C12orf42: variants seen among roughly 807,000 people sequenced by gnomAD.
C12orf42 encodes the protein uncharacterized protein C12orf42.
Under a neutral mutation model 21.6 loss-of-function variants are expected in C12orf42, and 25 were observed. That is an observed-to-expected ratio of 1.16 (90% CI 0.84 to 1.62). The LOEUF is 1.62. Among genes scored for constraint, C12orf42 ranks in the 40% most tolerant of loss-of-function variants. The pLI is 0.00. For synonymous variants in C12orf42, 174 were observed against 175.0 expected (o/e 0.99, Z 0.05); for missense variants, 483 against 459.3 (o/e 1.05, Z -0.47).
At position 103,249,942 on chromosome 12, in the gene C12orf42, T is replaced by A. The variant is rs1412774795; in HGVS notation, c.*1367-12040A>T. On this transcript the variant is annotated intron_variant and NMD_transcript_variant, in intron 10 of 10. Coordinates refer to the C12orf42 transcript ENST00000547347. ...AAAAAGAAAGTCCTGTTTTTCCCAC[T>A]AAGGTTTTTGTTCAAGTTATGACAA... Among the ~76,000 whole-genome samples, 3 of 152,070 alleles carry A rather than the reference T, an allele frequency of 2.0e-5. No homozygotes were observed. The East Asian group carries it at 5.8e-4, about 29-fold the overall frequency.
At chr12:103,173,462 G>A in the C12orf42 span, among the ~76,000 whole-genome samples, 1 of 152,012 alleles carries the variant, frequency 6.6e-6, no homozygotes, top group African/African-American at 2.4e-5. Context: ...GAACTCTGGT[G>A]TTATCTGAGG....
At chr12:103,348,662 T>C (rs1258495084) in intron 4 of C12orf42, among the ~76,000 whole-genome samples, 1 of 152,144 alleles carries the variant, frequency 6.6e-6, no homozygotes, top group Non-Finnish European at 1.5e-5. Flanking sequence ...CGGGAATTTT[T>C]GAAAAAGAGT....
chr12:103,488,768 C>T (rs866593240), intron 1 of C12orf42, among the ~76,000 whole-genome samples: 13 of 152,292 alleles, frequency 8.5e-5, no homozygotes, highest in Middle Eastern at 3.4e-3. Context: ...GCATGTGTCA[C>T]GAAGTTTTCA....
At chr12:103,069,021 CCTGA>C in the C12orf42 span, among the ~76,000 whole-genome samples, 6 of 114,378 alleles carry the variant, frequency 5.2e-5, no homozygotes, top group African/African-American at 9.8e-5. Context: ...TCAAGAGAAC[CCTGA>C]CTAATACATG....
At chr12:103,386,208 G>A (rs1405580677) in intron 3 of C12orf42, among the ~76,000 whole-genome samples, 1 of 152,076 alleles carries the variant, frequency 6.6e-6, no homozygotes, top group Non-Finnish European at 1.5e-5. Flanking sequence ...CTGATCCTAG[G>A]GTCTGTCTGC....
chr12:103,190,112 C>T, the C12orf42 span, among the ~76,000 whole-genome samples: 72 of 152,042 alleles, frequency 4.7e-4, no homozygotes, highest in Non-Finnish European at 8.7e-4. Flanking sequence ...TGACTCAGTC[C>T]AAATCCAAAA....
chr12:103,177,486 TA>T, the C12orf42 span, among the ~76,000 whole-genome samples: 1 of 152,168 alleles, frequency 6.6e-6, no homozygotes, highest in African/African-American at 2.4e-5. Context: ...CCCAAGGAAC[TA>T]AAACTGCTTG....
intron 5 of C12orf42, among the ~76,000 whole-genome samples, chr12:103,271,636 G>GA (rs1386857786): frequency 1.3e-5 from 2 of 152,114 alleles, no homozygotes; most frequent in Admixed American, 6.6e-5. Context: ...TGGAAGCTGA[G>GA]AAAAATATTA....
At chr12:103,331,873 G>T (rs183048803) in intron 4 of C12orf42, among the ~76,000 whole-genome samples, 1 of 152,322 alleles carries the variant, frequency 6.6e-6, no homozygotes, top group East Asian at 1.9e-4. Flanking sequence ...AGCAGTATAG[G>T]CAGGAAGCAT....
chr12:103,186,930 C>T, the C12orf42 span, among the ~76,000 whole-genome samples: 4 of 152,194 alleles, frequency 2.6e-5, no homozygotes, highest in South Asian at 8.3e-4. Context: ...TTTGATGGTA[C>T]TCACTACTTC....
the C12orf42 span, among the ~76,000 whole-genome samples, chr12:103,140,367 GC>G: frequency 6.6e-6 from 1 of 152,176 alleles, no homozygotes; most frequent in South Asian, 2.1e-4. Context: ...TCAGCAGAAT[GC>G]CAACCTATGT....
chr12:103,254,356 A>G (rs1681942130), intron 10 of C12orf42, among the ~76,000 whole-genome samples: 1 of 152,176 alleles, frequency 6.6e-6, no homozygotes, highest in Admixed American at 6.5e-5. Flanking sequence ...AATGTTCATC[A>G]GGGATATTGG....
Position 103,310,632 on chromosome 12 carries a change from G to C in C12orf42, c.260-4287C>G, listed in dbSNP as rs80315689. Among the ~76,000 whole-genome samples, 1,203 of 152,284 alleles carry C rather than the reference G, an allele frequency of 7.9e-3. 16 individuals carry two copies. Among genetic ancestry groups the C allele is most frequent in the African/African-American group, 0.021 (861 of 41,554 alleles). On this transcript the variant is annotated intron_variant, in intron 4 of 5. Transcript: ENST00000548883. ...CTCCTTTCATAGAATCTTCACCCCA[G>C]AACATGATTTTATAAATATTCAGCT...
At chr12:103,481,179 A>C (rs1954444818) in intron 1 of C12orf42, among the ~76,000 whole-genome samples, 1 of 151,882 alleles carries the variant, frequency 6.6e-6, no homozygotes, top group African/African-American at 2.4e-5. Flanking sequence ...TAATATAGCT[A>C]TAGCAGTTTT....
the C12orf42 span, among the ~76,000 whole-genome samples, chr12:103,170,870 T>C: frequency 6.6e-6 from 1 of 152,190 alleles, no homozygotes; most frequent in Admixed American, 6.6e-5. Context: ...TAGAGCCTCG[T>C]GATATCTTAA....
At chr12:103,551,887 A>G in the C12orf42 span, among the ~76,000 whole-genome samples, 2 of 152,096 alleles carry the variant, frequency 1.3e-5, no homozygotes, top group East Asian at 3.8e-4. Flanking sequence ...AAAGAAGTAG[A>G]AGGAGGAGGA....
the C12orf42 span, among the ~76,000 whole-genome samples, chr12:103,074,023 C>A: frequency 6.6e-6 from 1 of 152,106 alleles, no homozygotes; most frequent in African/African-American, 2.4e-5. Context: ...CAGCACACAA[C>A]CTTCCAATCA....
chr12:103,116,974 T>G, the C12orf42 span, among the ~76,000 whole-genome samples: 1 of 152,230 alleles, frequency 6.6e-6, no homozygotes, highest in Non-Finnish European at 1.5e-5. Flanking sequence ...TCCATACATA[T>G]ATAGTAATCA....
chr12:103,101,094 A>G, the C12orf42 span, among the ~76,000 whole-genome samples: 1 of 152,206 alleles, frequency 6.6e-6, no homozygotes, highest in Admixed American at 6.5e-5. Flanking sequence ...CACCTGGAAA[A>G]TGGGATAATC....
Sources: gnomAD v4.1 joint callset for allele counts (sites outside exome capture counted in the v4.1 genomes callset) on GRCh38, gnomAD v4.1.1 for gene constraint, MANE v1.5 for transcripts, NCBI Gene and HGNC (gene_info 2026-07-23, HGNC 2026-07-21) for gene names.